The following ATOX1 variants were observed in gnomAD, a reference collection of about 807,000 sequenced individuals.
The protein encoded by ATOX1 is copper transport protein ATOX1.
Under a neutral mutation model 7.3 loss-of-function variants are expected in ATOX1, and 4 were observed. The observed-to-expected ratio is 0.55, with a 90% CI of 0.27 to 1.25. ATOX1 has a LOEUF of 1.25. ATOX1 is among the 50% of genes most tolerant of loss of function. The pLI is 0.12. For synonymous variants in ATOX1, 25 were observed against 28.7 expected, an observed-to-expected ratio of 0.87 and a Z score of 0.41; for missense variants, 68 against 81.6, an observed-to-expected ratio of 0.83 and a Z score of 0.64.
At chr5:151,747,173 T>G (rs1761888393) in intron 2 of ATOX1, among the ~76,000 whole-genome samples, 1 of 152,166 alleles carries the variant, frequency 6.6e-6, no homozygotes, top group Non-Finnish European at 1.5e-5. Flanking sequence ...CAGTCTGGCT[T>G]CTATCTAGAC....
chr5:151,747,658 CTCAT>C (rs1761895430), intron 2 of ATOX1, among the ~76,000 whole-genome samples: 1 of 151,818 alleles, frequency 6.6e-6, no homozygotes, highest in African/African-American at 2.4e-5. Context: ...ACAATCTCAG[CTCAT>C]TGTAGCCTGA....
chr5:151,756,045 G>T (rs1323951417), intron 1 of ATOX1, among the ~76,000 whole-genome samples: 6 of 150,652 alleles, frequency 4.0e-5, no homozygotes, highest in Admixed American at 6.6e-5. Context: ...GGGTTCAAGC[G>T]ATTCTCCTGC....
chr5:151,743,389 T>C (rs1176638985), intron 3 of ATOX1: 4 of 152,172 alleles, frequency 2.6e-5, no homozygotes, highest in African/African-American at 9.7e-5. Flanking sequence ...AAACACTCTA[T>C]CTTTGAGGTT....
At position 151,750,484 on chromosome 5, in the gene ATOX1, CAACA is replaced by C. The variant is rs1176936494; in HGVS notation, c.82+1216_82+1219del. Among the ~76,000 whole-genome samples the C allele has an allele frequency of 2.7e-4, 28 of 102,426 alleles. No individual in the cohort carries two copies. The East Asian group carries it at 6.6e-3, about 24-fold the overall frequency. 67.2% of individuals were successfully genotyped at this position (102,426 alleles called of 152,430 possible). On this transcript the variant is annotated intron_variant, in intron 2 of 3. Coordinates refer to ENST00000313115, the MANE Select transcript of ATOX1 (RefSeq NM_004045.4). The stretch of plus-strand genomic sequence containing the variant: ...TCATGCCACTGCACTCCAGCCTGGG[CAACA>C]AACAGAGTGAGACTTCATCTCAAAA...
chr5:151,756,753 C>T (rs1226851243), intron 1 of ATOX1, among the ~76,000 whole-genome samples: 11 of 152,328 alleles, frequency 7.2e-5, no homozygotes, highest in African/African-American at 2.2e-4. Flanking sequence ...GGATTACAGG[C>T]GTGAGCCACC....
intron 3 of ATOX1, chr5:151,743,981 T>A (rs1344317266): frequency 1.3e-5 from 2 of 152,244 alleles, no homozygotes; most frequent in Non-Finnish European, 2.9e-5. Context: ...TTGGAAGGAA[T>A]GATTTACAAC....
At chr5:151,755,177 A>G (rs1332350553) in intron 1 of ATOX1, among the ~76,000 whole-genome samples, 1 of 152,158 alleles carries the variant, frequency 6.6e-6, no homozygotes, top group Non-Finnish European at 1.5e-5. Flanking sequence ...CCAGCAGAAA[A>G]TCAATTCATC....
intron 2 of ATOX1, among the ~76,000 whole-genome samples, chr5:151,750,598 ATTTTAAAAAT>A (rs1202699280): frequency 1.0e-4 from 15 of 148,940 alleles, no homozygotes; most frequent in Non-Finnish European, 2.1e-4. Context: ...AAAAGACAAA[ATTTTAAAAAT>A]TTTTACCTTT....
At chr5:151,751,867 C>T (rs936817499) in intron 1 of ATOX1, 88 bp from the exon 2 acceptor site, 17 of 1,333,758 alleles carry the variant, frequency 1.3e-5, no homozygotes, top group Non-Finnish European at 1.5e-5. Context: ...AGGGTCAAGA[C>T]AGAAGACAGA....
rs145175631 is a variant in ATOX1, at chr5:151,754,630, C to T, written c.7-2851G>A. Among the ~76,000 whole-genome samples the T allele has an allele frequency of 5.3e-3, 810 of 151,946 alleles. 10 individuals are homozygous for T. Among genetic ancestry groups the T allele is most frequent in the African/African-American group, 0.018 (750 of 41,418 alleles). The stretch of plus-strand genomic sequence containing the variant: ...TGTTTTGGAAAAAAAAATGATGATG[C>T]TCTGGAACATGGATTGGCACACTAC... On this transcript the variant is annotated intron_variant, in intron 1 of 3. Coordinates refer to ENST00000313115, the MANE Select transcript of ATOX1 (RefSeq NM_004045.4).
intron 1 of ATOX1, chr5:151,752,405 A>G: frequency 1.4e-6 from 1 of 700,564 alleles, no homozygotes; most frequent in Non-Finnish European, 2.6e-6. Flanking sequence ...CCAGGCAGGA[A>G]GGGATCCCCG....
At chr5:151,755,165 A>T (rs1761999151) in intron 1 of ATOX1, among the ~76,000 whole-genome samples, 1 of 152,160 alleles carries the variant, frequency 6.6e-6, no homozygotes, top group African/African-American at 2.4e-5. Flanking sequence ...GCTCTAGGAT[A>T]ACCAGCAGAA....
In ATOX1 at chr5:151,758,580, T is replaced by C. The variant is rs776719396; in HGVS notation, c.-29A>G. The C allele has an allele frequency of 1.4e-5, 20 of 1,417,496 alleles. No individual in the cohort carries two copies. The highest frequency in any genetic ancestry group is 1.7e-5 in the Non-Finnish European group (18 of 1,080,516). 87.8% of individuals were successfully genotyped at this position (1,417,496 alleles called of 1,614,324 possible). A position where few individuals can be genotyped will look rare whatever the true frequency, so the allele number is the denominator to read the frequency against. On this transcript the variant is annotated 5_prime_UTR_variant, in exon 1 of 4. Transcript: ENST00000313115. Reference sequence around the variant, plus strand: ...TGAGGCAGCGGCGGTGTGGCGGCGGTGTGGCGGCGGTGTCAGCAGCGCCTC... The same window carrying C: ...TGAGGCAGCGGCGGTGTGGCGGCGGCGTGGCGGCGGTGTCAGCAGCGCCTC...
intron 1 of ATOX1, among the ~76,000 whole-genome samples, chr5:151,755,406 A>G (rs1173399101): frequency 6.6e-6 from 1 of 152,222 alleles, no homozygotes; most frequent in Non-Finnish European, 1.5e-5. Context: ...CATGTGGCAA[A>G]TAACTACTGA....
chr5:151,745,425 C>T (rs1001066430), intron 3 of ATOX1: 2 of 152,184 alleles, frequency 1.3e-5, no homozygotes, highest in Non-Finnish European at 2.9e-5. Flanking sequence ...GTGTGGCGAT[C>T]ATTGTAATTC....
At position 151,746,412 on chromosome 5, in the gene ATOX1, G is replaced by A. The variant is rs745545290; in HGVS notation, c.120C>T (p.Val40=). ...KYDIDLPNKK[V]CIESEHSMDT... ...CCATGCTGTGCTCAGATTCAATGCA[G>A]ACCTTCTTGTTGGGCAGGTCAATGT... is the stretch of plus-strand genomic sequence containing the variant. The change falls in exon 3 of 4, where the codon GTC becomes GTT. Residue 40 remains valine (V), a synonymous_variant. Transcript: ENST00000313115. 6.2e-7 allele frequency: 1 copy of A among 1,613,950 alleles called. No individual in the cohort carries two copies. Among genetic ancestry groups the A allele is most frequent in the Admixed American group, 1.7e-5 (1 of 60,018 alleles).
intron 1 of ATOX1, among the ~76,000 whole-genome samples, chr5:151,755,618 GGA>G (rs1277472713): frequency 6.6e-6 from 1 of 152,110 alleles, no homozygotes; most frequent in Non-Finnish European, 1.5e-5. Context: ...CTGACTACAG[GGA>G]GTAGGTCCCA....
intron 2 of ATOX1, among the ~76,000 whole-genome samples, chr5:151,750,096 T>C (rs925741891): frequency 3.9e-5 from 6 of 152,090 alleles, no homozygotes; most frequent in Non-Finnish European, 8.8e-5. Context: ...AAAGAAAAAA[T>C]CTTAGAAGGC....
At chr5:151,750,285 C>T (rs755478973) in intron 2 of ATOX1, among the ~76,000 whole-genome samples, 1 of 152,084 alleles carries the variant, frequency 6.6e-6, no homozygotes, top group Admixed American at 6.6e-5. Context: ...TGGCCAGGTG[C>T]GGTGGCTCAT....
Sources: gnomAD v4.1 joint callset for allele counts (sites outside exome capture counted in the v4.1 genomes callset) on GRCh38, gnomAD v4.1.1 for gene constraint, MANE v1.5 for transcripts, NCBI Gene and HGNC (gene_info 2026-07-23, HGNC 2026-07-21) for gene names.